The following FLI1 variants were observed in gnomAD, a reference collection of about 807,000 sequenced individuals.
FLI1 encodes the protein Fli-1 proto-oncogene, ETS transcription factor, also known as Friend leukemia integration 1 transcription factor.
In FLI1, 13 loss-of-function variants were observed where a neutral mutation model predicts 53.1. The ratio of observed to expected loss-of-function variants is 0.24; its 90% CI spans 0.16 to 0.39. The LOEUF is 0.39. Ranked by LOEUF, FLI1 falls within the 10% of genes least tolerant of loss-of-function variation. FLI1 has a pLI of 1.00. For synonymous variants in FLI1, 244 were observed against 236.7 expected (o/e 1.03, Z -0.28); for missense variants, 424 against 600.5 (o/e 0.71, Z 3.07).
At chr11:128,793,297 T>C (rs1250309994) in intron 5 of FLI1, among the ~76,000 whole-genome samples, 1 of 151,882 alleles carries the variant, frequency 6.6e-6, no homozygotes, top group Non-Finnish European at 1.5e-5. Context: ...GGAAGAGATG[T>C]CAAAATCAAC....
intron 1 of FLI1, among the ~76,000 whole-genome samples, chr11:128,718,871 C>T (rs1315264710): frequency 1.3e-5 from 2 of 152,144 alleles, no homozygotes; most frequent in South Asian, 4.1e-4. Context: ...GTGGAAAATC[C>T]AGAAGTGCAG....
chr11:128,792,503 C>T lies in FLI1; in HGVS notation c.655+10480C>T, dbSNP rs147847925. Among the ~76,000 whole-genome samples, 196 of 152,284 alleles carry T rather than the reference C, an allele frequency of 1.3e-3. 1 individual carries two copies. The highest frequency in any genetic ancestry group is 6.8e-3 in the Middle Eastern group (2 of 294). On this transcript the variant is annotated intron_variant, in intron 5 of 8. Transcript: ENST00000527786. ...GGAGCTGCAAAGTATATAAAAGAAA[C>T]ATGCTTTGTCCACGCTTATCAGTCA... is the stretch of plus-strand genomic sequence containing the variant.
intron 1 of FLI1, among the ~76,000 whole-genome samples, chr11:128,723,975 T>C (rs368148250): frequency 6.5e-5 from 8 of 122,860 alleles, no homozygotes; most frequent in East Asian, 2.8e-4. Flanking sequence ...GGAGTTTCAC[T>C]CTTGTCGCTC....
chr11:128,757,093 T>TTTCTTTCTTTCA (rs2135807706), intron 1 of FLI1, among the ~76,000 whole-genome samples: 2 of 135,798 alleles, frequency 1.5e-5, no homozygotes, highest in Non-Finnish European at 3.1e-5. Context: ...TCTTTCTTTC[T>TTTCTTTCTTTCA]TTCTTTCTTT....
chr11:128,725,448 G>A (rs1042350029), intron 1 of FLI1, among the ~76,000 whole-genome samples: 1 of 152,222 alleles, frequency 6.6e-6, no homozygotes, highest in Non-Finnish European at 1.5e-5. Context: ...GCCTCAGGCA[G>A]CCAGGGACCC....
chr11:128,760,431 G>A (rs367966286), intron 2 of FLI1, among the ~76,000 whole-genome samples: 9 of 151,892 alleles, frequency 5.9e-5, no homozygotes, highest in Non-Finnish European at 1.2e-4. Flanking sequence ...CTGGTGAGGA[G>A]GCCTATTCTA....
chr11:128,688,216 A>G (rs1333880515), intron 1 of FLI1, among the ~76,000 whole-genome samples: 1 of 152,174 alleles, frequency 6.6e-6, no homozygotes, highest in Non-Finnish European at 1.5e-5. Flanking sequence ...GGAGCCCTAG[A>G]GGGGCACGTG....
chr11:128,760,312 A>C (rs1941056168), intron 2 of FLI1, among the ~76,000 whole-genome samples: 1 of 152,100 alleles, frequency 6.6e-6, no homozygotes, highest in Non-Finnish European at 1.5e-5. Context: ...TGGAGCCCGA[A>C]CCCAGGCGTT....
Position 128,810,792 on chromosome 11 carries a change from T to C in FLI1, c.1163T>C (p.Met388Thr). ...MYKYPSDISY[M>T]PSYHAHQQKV... is the part of the protein sequence containing the mutation. ...AAGTACCCTTCTGACATCTCCTACA[T>C]GCCTTCCTACCATGCCCACCAGCAG... Residue 388 changes from methionine to threonine, a missense_variant, in exon 9 of 9, where the codon ATG becomes ACG. Physicochemically the swap from Met to Thr is moderately conservative, Grantham distance 81. Transcript: ENST00000527786. The surrounding 1 kb of genome is among the most constrained non-coding windows in gnomAD (Gnocchi z 6.6). 1 of 1,614,070 alleles carries C rather than the reference T, an allele frequency of 6.2e-7. No homozygotes were observed. Among genetic ancestry groups the C allele is most frequent in the Non-Finnish European group, 8.5e-7 (1 of 1,179,886 alleles).
At chr11:128,764,569 A>T (rs767840498) in intron 2 of FLI1, 1 of 1,268,034 alleles carries the variant, frequency 7.9e-7, no homozygotes, top group Non-Finnish European at 1.1e-6. Context: ...AATACAAATT[A>T]GCAGCAGTGC....
At chr11:128,724,580 G>A (rs1939393108) in intron 1 of FLI1, among the ~76,000 whole-genome samples, 1 of 152,188 alleles carries the variant, frequency 6.6e-6, no homozygotes. Context: ...ATCGAGTATG[G>A]ATGATACAAA....
At chr11:128,767,786 G>A (rs529996162) in intron 2 of FLI1, among the ~76,000 whole-genome samples, 44 of 151,540 alleles carry the variant, frequency 2.9e-4, no homozygotes, top group African/African-American at 8.8e-4. Context: ...GCATGGACTA[G>A]GTTGCCTGGC....
At chr11:128,748,319 G>T (rs1940494332) in intron 1 of FLI1, 3 of 939,166 alleles carry the variant, frequency 3.2e-6, no homozygotes, top group Non-Finnish European at 3.8e-6. Context: ...GCACTTGGGA[G>T]GGGGAATGAT....
intron 1 of FLI1, among the ~76,000 whole-genome samples, chr11:128,754,286 C>T (rs1017110627): frequency 6.7e-6 from 1 of 148,220 alleles, no homozygotes; most frequent in African/African-American, 2.5e-5. Flanking sequence ...TGCACATATG[C>T]ATACCCAAAG....
intron 5 of FLI1, among the ~76,000 whole-genome samples, chr11:128,786,524 C>A (rs1395599532): frequency 6.6e-6 from 1 of 152,138 alleles, no homozygotes; most frequent in Non-Finnish European, 1.5e-5. Context: ...AGGAAGGATA[C>A]TGGGGTTGCA....
At chr11:128,725,504 C>T (rs1286606025) in intron 1 of FLI1, among the ~76,000 whole-genome samples, 1 of 152,220 alleles carries the variant, frequency 6.6e-6, no homozygotes, top group Non-Finnish European at 1.5e-5. Context: ...TGCTCAAGTG[C>T]CCGCAAATGC....
intron 1 of FLI1, among the ~76,000 whole-genome samples, chr11:128,756,565 T>G (rs1940867853): frequency 6.6e-6 from 1 of 152,220 alleles, no homozygotes; most frequent in Non-Finnish European, 1.5e-5. Context: ...GAATCTTTGT[T>G]TGAATGCTAA....
rs1289492833 is a variant in FLI1 at position 128,758,240 on chromosome 11, C to A, written c.144C>A (p.Ile48=). The A allele has an allele frequency of 6.2e-7, 1 of 1,613,582 alleles. No individual in the cohort carries two copies. Among genetic ancestry groups the A allele is most frequent in the Non-Finnish European group, 8.5e-7 (1 of 1,179,708 alleles). ...GSPDYGQPHK[I]NPLPPQQEWI... is the part of the protein sequence containing the mutation. The stretch of plus-strand genomic sequence containing the variant: ...CTGACTACGGGCAGCCCCACAAGAT[C>A]AACCCCCTCCCACCACAGCAGGAGT... Residue 48 remains isoleucine (I), a synonymous_variant, in exon 2 of 9, where the codon ATC becomes ATA. Coordinates refer to ENST00000527786, the MANE Select transcript of FLI1 (RefSeq NM_002017.5).
In FLI1 at chr11:128,741,583, T is replaced by C. The variant is rs180674712; in HGVS notation, c.19-16532T>C. On this transcript the variant is annotated intron_variant, in intron 1 of 8. Transcript: ENST00000527786. ...GTGAGAGCCACAACAATGGAGAAAG[T>C]GCCACAGTCAAGCCTTTGTGTCCCC... is the stretch of plus-strand genomic sequence containing the variant. Among the ~76,000 whole-genome samples the C allele has an allele frequency of 3.7e-3, 564 of 152,270 alleles. 2 individuals are homozygous for C. Among genetic ancestry groups the C allele is most frequent in the African/African-American group, 0.013 (537 of 41,554 alleles).
Sources: gnomAD v4.1 joint callset for allele counts (sites outside exome capture counted in the v4.1 genomes callset) on GRCh38, gnomAD v4.1.1 for gene constraint, Gnocchi (gnomAD v3.1) non-coding constraint, MANE v1.5 for transcripts, NCBI Gene and HGNC (gene_info 2026-07-23, HGNC 2026-07-21) for gene names.